The following RNF212B variants were observed in gnomAD, a reference collection of about 807,000 sequenced individuals.
RNF212B encodes ring finger protein 212B.
Under a neutral mutation model 55.5 loss-of-function variants are expected in RNF212B, and 52 were observed. That is an observed-to-expected ratio of 0.94 (90% CI 0.75 to 1.18). The LOEUF is 1.18. Ranked by LOEUF, RNF212B falls within the 50% of genes most tolerant of loss-of-function variation. RNF212B has a pLI of 0.00. For missense variants in RNF212B, 289 were observed against 350.4 expected, an observed-to-expected ratio of 0.82 and a Z score of 1.40; for synonymous variants, 99 against 121.4, an observed-to-expected ratio of 0.82 and a Z score of 1.21.
intron 14 of RNF212B, among the ~76,000 whole-genome samples, chr14:23,272,094 CAT>C (rs1237231237): frequency 2.0e-5 from 3 of 152,096 alleles, no homozygotes; most frequent in African/African-American, 7.2e-5. Context: ...ACAATGGGCA[CAT>C]GAGTTCATTA....
chr14:23,243,390 T>C, intron 3 of RNF212B, 82 bp downstream of exon 3: 1 of 1,247,692 alleles, frequency 8.0e-7, no homozygotes, highest in Non-Finnish European at 1.1e-6. Flanking sequence ...AGATGATGAA[T>C]TGTTTCAAAA....
intron 2 of RNF212B, among the ~76,000 whole-genome samples, chr14:23,225,815 C>T (rs1026177024): frequency 2.6e-5 from 4 of 151,964 alleles, no homozygotes; most frequent in African/African-American, 9.7e-5. Flanking sequence ...GAGTATTGTA[C>T]ATTAAAAAAT....
At chr14:23,271,465 A>G (rs1886076698) in intron 14 of RNF212B, among the ~76,000 whole-genome samples, 1 of 149,138 alleles carries the variant, frequency 6.7e-6, no homozygotes, top group East Asian at 2.0e-4. Flanking sequence ...AAAAAGAAAG[A>G]AAAAAATAAA....
upstream of RNF212B, among the ~76,000 whole-genome samples, chr14:23,233,760 AAG>A (rs1491218915): frequency 5.4e-5 from 8 of 148,586 alleles, no homozygotes; most frequent in Middle Eastern, 3.5e-3. Flanking sequence ...AAAAAAAAAA[AAG>A]AGTTCTCAAA....
At chr14:23,232,936 T>A (rs548049440), upstream of RNF212B, among the ~76,000 whole-genome samples, 114 of 152,138 alleles carry the variant, frequency 7.5e-4, no homozygotes, top group Admixed American at 1.5e-3. Flanking sequence ...GAACGGGCCA[T>A]GATGACGATG....
At position 23,270,639 on chromosome 14, in the gene RNF212B, G is replaced by A; in HGVS notation, c.812G>A (p.Ser271Asn). 6.4e-7 allele frequency: 1 copy of A among 1,550,504 alleles called. No individual in the cohort carries two copies. The highest frequency in any genetic ancestry group is 8.7e-7 in the Non-Finnish European group (1 of 1,146,560). The change falls in exon 14 of 15, where the codon AGT (serine) becomes AAT (asparagine). Residue 271 changes from serine (S) to asparagine (N), a missense_variant. Coordinates refer to ENST00000430154, the MANE Select transcript of RNF212B (RefSeq NM_001282322.3). The stretch of plus-strand genomic sequence containing the variant: ...ACAACTACACTAGAGAGTCTTCCTA[G>A]TTTCCAGCTACCAGTCCTGCAGGTG... ...ESTTTLESLP[S>N]FQLPVLQTLY...
chr14:23,259,333 T>C (rs1194430865), intron 5 of RNF212B: 4 of 150,774 alleles, frequency 2.7e-5, no homozygotes, highest in African/African-American at 4.9e-5. Context: ...GGACTACAAG[T>C]GCACACCACT....
chr14:23,237,191 G>A (rs2140429236), upstream of RNF212B, among the ~76,000 whole-genome samples: 1 of 151,190 alleles, frequency 6.6e-6, no homozygotes, highest in Middle Eastern at 3.4e-3. Context: ...GTGCAGTGGC[G>A]CGATCTCGGC....
intron 2 of RNF212B, among the ~76,000 whole-genome samples, chr14:23,221,421 G>T (rs1425882795): frequency 1.3e-5 from 2 of 152,126 alleles, no homozygotes; most frequent in African/African-American, 2.4e-5. Flanking sequence ...TGATAAAGGG[G>T]TCAATTCAGC....
chr14:23,204,835 T>G (rs58202235), intron 2 of RNF212B, among the ~76,000 whole-genome samples: 1 of 152,194 alleles, frequency 6.6e-6, no homozygotes, highest in Non-Finnish European at 1.5e-5. Flanking sequence ...ACAATATTGA[T>G]TCTACCCATC....
At chr14:23,248,018 T>C (rs1406355019) in intron 4 of RNF212B, among the ~76,000 whole-genome samples, 1 of 152,182 alleles carries the variant, frequency 6.6e-6, no homozygotes, top group Non-Finnish European at 1.5e-5. Context: ...ACAGATTCAG[T>C]GTCGGGGGAG....
At chr14:23,254,767 G>A (rs1884694715) in intron 4 of RNF212B, among the ~76,000 whole-genome samples, 1 of 152,138 alleles carries the variant, frequency 6.6e-6, no homozygotes, top group Non-Finnish European at 1.5e-5. Context: ...TCTTATCATA[G>A]TAAACCTACT....
chr14:23,261,546 T>A (rs1008126517), intron 7 of RNF212B, among the ~76,000 whole-genome samples: 1 of 152,258 alleles, frequency 6.6e-6, no homozygotes, highest in African/African-American at 2.4e-5. Flanking sequence ...TGGAGTTAGA[T>A]GGTCTGTTCA....
chr14:23,219,473 T>G (rs577548730), intron 2 of RNF212B, among the ~76,000 whole-genome samples: 3 of 147,906 alleles, frequency 2.0e-5, no homozygotes, highest in Non-Finnish European at 4.5e-5. Flanking sequence ...TTCTTCTCCT[T>G]CTAGTTTTTT....
intron 11 of RNF212B, among the ~76,000 whole-genome samples, chr14:23,267,123 C>T (rs952182827): frequency 1.3e-5 from 2 of 152,100 alleles, no homozygotes; most frequent in Admixed American, 1.3e-4. Context: ...CATGCACCAC[C>T]ACGCCTGGCT....
upstream of RNF212B, among the ~76,000 whole-genome samples, chr14:23,236,210 A>G (rs1883077351): frequency 6.6e-6 from 1 of 152,194 alleles, no homozygotes; most frequent in East Asian, 1.9e-4. Flanking sequence ...CATATTTTCC[A>G]TAGATTATTT....
At chr14:23,195,828 C>T (rs1253193208) in intron 2 of RNF212B, among the ~76,000 whole-genome samples, 2 of 152,190 alleles carry the variant, frequency 1.3e-5, no homozygotes, top group Non-Finnish European at 2.9e-5. Flanking sequence ...TCCAAACAAC[C>T]TTTCAAGGTA....
chr14:23,212,210 T>C (rs181266623), intron 2 of RNF212B, among the ~76,000 whole-genome samples: 2 of 152,236 alleles, frequency 1.3e-5, no homozygotes, highest in Admixed American at 1.3e-4. Context: ...TTTTTCCCTA[T>C]GATCAAGACT....
chr14:23,242,664 G>A (rs561446551), intron 2 of RNF212B, among the ~76,000 whole-genome samples: 1 of 152,224 alleles, frequency 6.6e-6, no homozygotes, highest in South Asian at 2.1e-4. Flanking sequence ...AAGAAAATTG[G>A]GAATTTATAA....
Sources: gnomAD v4.1 joint callset for allele counts (sites outside exome capture counted in the v4.1 genomes callset) on GRCh38, gnomAD v4.1.1 for gene constraint, MANE v1.5 for transcripts, NCBI Gene and HGNC (gene_info 2026-07-23, HGNC 2026-07-21) for gene names.